Variants in CACNG5 observed in about 807,000 individuals in gnomAD.
The protein encoded by CACNG5 is calcium voltage-gated channel auxiliary subunit gamma 5, also known as voltage-dependent calcium channel gamma-5 subunit.
CACNG5 carries 18 observed loss-of-function variants against 24.8 expected under a neutral mutation model. The ratio of observed to expected loss-of-function variants is 0.73; its 90% confidence interval spans 0.50 to 1.08. The LOEUF (loss-of-function observed/expected upper bound fraction) is 1.08, where lower values mean the gene tolerates loss of function less well. CACNG5 is among the 50% of genes least tolerant of loss of function. The pLI is 0.00. For synonymous variants in CACNG5, 157 were observed against 149.1 expected, an observed-to-expected ratio of 1.05 and a Z score of -0.39; for missense variants, 349 against 367.9, an observed-to-expected ratio of 0.95 and a Z score of 0.42.
chr17:66,847,088 C>T (rs1976646612), intron 1 of CACNG5, among the ~76,000 whole-genome samples: 1 of 152,220 alleles, frequency 6.6e-6, no homozygotes, highest in Non-Finnish European at 1.5e-5. Flanking sequence ...TAGCTACCAA[C>T]CTGTTCACTT....
intron 2 of CACNG5, 139 bp from the exon 3 acceptor site, chr17:66,878,833 A>C: frequency 1.5e-6 from 1 of 677,404 alleles, no homozygotes; most frequent in Admixed American, 2.4e-5. Flanking sequence ...CAGGACCCCC[A>C]TAGGGTTTGG....
intron 1 of CACNG5, among the ~76,000 whole-genome samples, chr17:66,843,788 C>T (rs1177872524): frequency 6.6e-6 from 1 of 152,136 alleles, no homozygotes; most frequent in Non-Finnish European, 1.5e-5. Flanking sequence ...AAGAAGCCAG[C>T]TGTCAGCCTG....
Position 66,885,009 on chromosome 17 carries a change from G to C in CACNG5, c.597G>C (p.Leu199=). Residue 199 remains leucine, a synonymous_variant, in exon 6 of 6, where the codon CTG becomes CTC. Transcript: ENST00000533854. ...GTGCCGGGGTGATGTCTGTGTACCTGTTTATGAAGCGGTACACCGCGGAGG... is the reference window on the plus strand; with the variant it reads ...GTGCCGGGGTGATGTCTGTGTACCTCTTTATGAAGCGGTACACCGCGGAGG... ...TESAGVMSVY[L]FMKRYTAEDM... The C allele has an allele frequency of 6.2e-7, 1 of 1,614,188 alleles. No homozygotes were observed. Among genetic ancestry groups the C allele is most frequent in the Non-Finnish European group, 8.5e-7 (1 of 1,180,018 alleles).
intron 1 of CACNG5, among the ~76,000 whole-genome samples, chr17:66,864,178 A>G (rs1568067474): frequency 6.6e-6 from 1 of 152,200 alleles, no homozygotes; most frequent in African/African-American, 2.4e-5. Context: ...ATATCCAGTC[A>G]TGAATTGAGC....
chr17:66,839,276 A>T (rs1427838683), intron 1 of CACNG5, among the ~76,000 whole-genome samples: 1 of 124,102 alleles, frequency 8.1e-6, no homozygotes, highest in Non-Finnish European at 1.7e-5. Flanking sequence ...ACCCATTCTG[A>T]CAACCAAAAA....
intron 1 of CACNG5, among the ~76,000 whole-genome samples, chr17:66,851,231 CA>C (rs952865572): frequency 1.3e-5 from 2 of 152,188 alleles, no homozygotes; most frequent in African/African-American, 2.4e-5. Flanking sequence ...TAACGCCCCC[CA>C]GGGGGAGAAA....
chr17:66,874,641 C>T (rs74252161), intron 1 of CACNG5, among the ~76,000 whole-genome samples: 10,759 of 152,264 alleles, frequency 0.071, 540 homozygotes, highest in Admixed American at 0.11. Context: ...TGACCCCAGA[C>T]ACCTTCTGCT....
Position 66,859,817 on chromosome 17 carries a change from C to T in CACNG5, c.-103-17413C>T, listed in dbSNP as rs1375620174. ...CAAGAAACACTCGGTTACTTTCTCCCCTCTCCCTCCTCCTTCTCCTCCCCC... is the reference window on the plus strand; with the variant it reads ...CAAGAAACACTCGGTTACTTTCTCCTCTCTCCCTCCTCCTTCTCCTCCCCC... On this transcript the variant is annotated intron_variant, in intron 1 of 5. Coordinates refer to ENST00000533854, the MANE Select transcript of CACNG5 (RefSeq NM_145811.3). Among the ~76,000 whole-genome samples, 6 of 152,020 alleles carry T rather than the reference C, an allele frequency of 3.9e-5. No homozygotes were observed. The East Asian group carries it at 9.7e-4, about 25-fold the overall frequency.
chr17:66,846,986 G>A (rs374295137), intron 1 of CACNG5, among the ~76,000 whole-genome samples: 4 of 152,226 alleles, frequency 2.6e-5, no homozygotes, highest in African/African-American at 7.2e-5. Context: ...AGATACACAC[G>A]TGGAGGCACT....
chr17:66,860,950 A>G lies in CACNG5; in HGVS notation c.-103-16280A>G, dbSNP rs188377185. ...CTTCCAATGTGGCACAGGGAAGCCA[A>G]CCCTGATGTAGATAATTGGGTAAAA... On this transcript the variant is annotated intron_variant, in intron 1 of 5. Coordinates refer to ENST00000533854, the MANE Select transcript of CACNG5 (RefSeq NM_145811.3). 2.5e-3 allele frequency among the ~76,000 whole-genome samples: 384 copies of G among 152,284 alleles called. 2 individuals are homozygous for G. Among genetic ancestry groups the G allele is most frequent in the Admixed American group, 3.7e-3 (57 of 15,298 alleles).
intron 4 of CACNG5, among the ~76,000 whole-genome samples, chr17:66,881,705 C>G (rs9909222): frequency 0.51 from 76,946 of 151,820 alleles, 20,110 homozygotes; most frequent in African/African-American, 0.64. Flanking sequence ...TGCAAGGGGG[C>G]CAAGACCAGT....
At chr17:66,836,846 C>T (rs144519315) in intron 1 of CACNG5, among the ~76,000 whole-genome samples, 1 of 152,262 alleles carries the variant, frequency 6.6e-6, no homozygotes, top group African/African-American at 2.4e-5. Flanking sequence ...GGCTGCACCC[C>T]AGGCCCCACA....
intron 1 of CACNG5, among the ~76,000 whole-genome samples, chr17:66,862,823 T>C (rs1976882057): frequency 6.6e-6 from 1 of 151,226 alleles, no homozygotes; most frequent in African/African-American, 2.4e-5. Flanking sequence ...CAAATAGATA[T>C]GTACACTCAC....
In CACNG5 at chr17:66,857,905, C is replaced by T. The variant is rs540044067; in HGVS notation, c.-103-19325C>T. On this transcript the variant is annotated intron_variant, in intron 1 of 5. Transcript: ENST00000533854. The stretch of plus-strand genomic sequence containing the variant: ...ATAGTTGGTCTCAGAAGCAACTCAG[C>T]ATTGGGATTATTTTAAATCCCCCCA... Among the ~76,000 whole-genome samples, 6 of 152,320 alleles carry T rather than the reference C, an allele frequency of 3.9e-5. No homozygotes were observed. The South Asian group carries it at 1.2e-3, about 32-fold the overall frequency.
At chr17:66,848,629 A>C (rs1359024563) in intron 1 of CACNG5, among the ~76,000 whole-genome samples, 1 of 152,204 alleles carries the variant, frequency 6.6e-6, no homozygotes, top group Non-Finnish European at 1.5e-5. Context: ...TTTGAGTCCG[A>C]GTTGGGTAGG....
chr17:66,893,516 T>C lies in CACNG5; in HGVS notation c.*8276T>C, dbSNP rs1568077109. Among the ~76,000 whole-genome samples, 1 of 152,200 alleles carries C rather than the reference T, an allele frequency of 6.6e-6. No homozygotes were observed. The highest frequency in any genetic ancestry group is 2.4e-5 in the African/African-American group (1 of 41,456). On this transcript the variant is annotated 3_prime_UTR_variant, in exon 6 of 6. Coordinates refer to ENST00000533854, the MANE Select transcript of CACNG5 (RefSeq NM_145811.3). ...CTGGAGAAAGACTCATGACACAAGT[T>C]TGGCCATGGAACATGTTTGGCGTGT...
intron 1 of CACNG5, among the ~76,000 whole-genome samples, chr17:66,861,025 G>GCATA: frequency 6.7e-6 from 1 of 150,312 alleles, no homozygotes; most frequent in East Asian, 2.0e-4. Context: ...GCACATGCAC[G>GCATA]CACACACACA....
chr17:66,888,660 A>G lies in CACNG5; in HGVS notation c.*3420A>G, dbSNP rs1323067459. On this transcript the variant is annotated 3_prime_UTR_variant, in exon 6 of 6. Transcript: ENST00000533854. ...TAAACCTGAGAGGGGCTTCTGGACG[A>G]TTTCAGTCAGGAGCACTCTCTCTTA... Among the ~76,000 whole-genome samples, 1 of 151,950 alleles carries G rather than the reference A, an allele frequency of 6.6e-6. No homozygotes were observed. The highest frequency in any genetic ancestry group is 1.9e-4 in the East Asian group (1 of 5,178).
Position 66,880,486 on chromosome 17 carries a change from C to G in CACNG5, c.284-71C>G, listed in dbSNP as rs368103066. 30 of 1,591,742 alleles carry G rather than the reference C, an allele frequency of 1.9e-5. No individual in the cohort carries two copies. In the African/African-American group the frequency reaches 3.8e-4, roughly 20 times the overall value. ...CAGTTGGTAGACACTGCCAGGAACA[C>G]TCAACTCAGGATGATGAGGAATGAA... On this transcript the variant is annotated intron_variant, in intron 3 of 5. Coordinates refer to ENST00000533854, the MANE Select transcript of CACNG5 (RefSeq NM_145811.3).
Sources: allele counts gnomAD v4.1 joint callset (sites outside exome capture counted in the v4.1 genomes callset), GRCh38; gene constraint gnomAD v4.1.1; transcripts MANE v1.5; gene names NCBI Gene and HGNC (gene_info 2026-07-23, HGNC 2026-07-21).